ROBO2: variants seen among roughly 807,000 people sequenced by gnomAD.
The protein encoded by ROBO2 is roundabout homolog 2.
ROBO2 carries 53 observed loss-of-function variants against 160.8 expected under a neutral mutation model. The observed-to-expected ratio is 0.33, with a 90% confidence interval of 0.26 to 0.41. ROBO2 has a LOEUF of 0.41. Ranked by LOEUF, ROBO2 falls within the 10% of genes least tolerant of loss-of-function variation. The pLI is 1.00. For synonymous variants in ROBO2, 664 were observed against 611.7 expected, an observed-to-expected ratio of 1.09 and a Z score of -1.26; for missense variants, 1,577 against 1,722.4, an observed-to-expected ratio of 0.92 and a Z score of 1.49.
At chr3:77,416,110 G>T (rs2153527419) in intron 2 of ROBO2, among the ~76,000 whole-genome samples, 1 of 152,280 alleles carries the variant, frequency 6.6e-6, no homozygotes. Context: ...GAATTTTATT[G>T]AGTGAGAGTA....
chr3:76,747,913 A>T (rs922396867), intron 2 of ROBO2, among the ~76,000 whole-genome samples: 1 of 152,048 alleles, frequency 6.6e-6, no homozygotes, highest in East Asian at 1.9e-4. Context: ...TTTAACCTGT[A>T]TAAATTTCAT....
intron 1 of ROBO2, among the ~76,000 whole-genome samples, chr3:77,072,500 T>C (rs1171491391): frequency 6.6e-6 from 1 of 152,212 alleles, no homozygotes; most frequent in Non-Finnish European, 1.5e-5. Flanking sequence ...CTACTTGTGC[T>C]GGACACTATG....
At chr3:76,803,345 G>T (rs978912925) in intron 2 of ROBO2, among the ~76,000 whole-genome samples, 2 of 151,772 alleles carry the variant, frequency 1.3e-5, no homozygotes, top group Non-Finnish European at 2.9e-5. Flanking sequence ...AAAAGGAGGA[G>T]GAGGAGAAGC....
intron 2 of ROBO2, among the ~76,000 whole-genome samples, chr3:77,154,197 A>G (rs974530579): frequency 6.6e-6 from 1 of 152,126 alleles, no homozygotes; most frequent in African/African-American, 2.4e-5. Context: ...AAAAATACAC[A>G]TAGTTTAATG....
chr3:76,442,075 A>G (rs1026467478), intron 2 of ROBO2, among the ~76,000 whole-genome samples: 1 of 152,186 alleles, frequency 6.6e-6, no homozygotes, highest in Non-Finnish European at 1.5e-5. Flanking sequence ...GCCAAAGACC[A>G]TTTTCTCACA....
intron 2 of ROBO2, among the ~76,000 whole-genome samples, chr3:76,691,265 A>G (rs1236055546): frequency 6.6e-6 from 1 of 152,066 alleles, no homozygotes; most frequent in South Asian, 2.1e-4. Flanking sequence ...ACCATGTTAC[A>G]TCACAGCAAG....
chr3:77,355,050 C>T (rs2068863385), intron 2 of ROBO2, among the ~76,000 whole-genome samples: 1 of 149,546 alleles, frequency 6.7e-6, no homozygotes, highest in South Asian at 2.1e-4. Context: ...AGCATCTCTA[C>T]AACCAAAACA....
chr3:76,599,436 A>G (rs1330357467), intron 2 of ROBO2, among the ~76,000 whole-genome samples: 2 of 152,158 alleles, frequency 1.3e-5, no homozygotes, highest in Non-Finnish European at 2.9e-5. Context: ...AGTATTCCAT[A>G]GTGTATACAT....
At chr3:76,181,531 C>T (rs1224557053) in intron 2 of ROBO2, among the ~76,000 whole-genome samples, 4 of 152,064 alleles carry the variant, frequency 2.6e-5, no homozygotes, top group African/African-American at 4.8e-5. Flanking sequence ...TGATAACTAG[C>T]GTACATTTCT....
intron 2 of ROBO2, among the ~76,000 whole-genome samples, chr3:76,124,692 T>TA (rs1438091347): frequency 1.3e-5 from 2 of 152,024 alleles, no homozygotes; most frequent in African/African-American, 2.4e-5. Flanking sequence ...TCAATAAAGT[T>TA]ACAATGAACT....
At chr3:76,869,340 A>ATCTTTTTTTTTTTTTTTTTTTTTT (rs1178461363) in intron 2 of ROBO2, among the ~76,000 whole-genome samples, 3 of 108,140 alleles carry the variant, frequency 2.8e-5, no homozygotes, top group African/African-American at 3.6e-5. Flanking sequence ...GTAGAAATTG[A>ATCTTTTTTTTTTTTTTTTTTTTTT]TGTTTTTTTT....
intron 2 of ROBO2, among the ~76,000 whole-genome samples, chr3:77,318,139 C>T (rs952683298): frequency 1.1e-4 from 17 of 152,042 alleles, no homozygotes; most frequent in African/African-American, 4.1e-4. Context: ...CCTCCGCCTC[C>T]CGAGTTCAAG....
chr3:76,008,329 C>A (rs2066089816), intron 2 of ROBO2, among the ~76,000 whole-genome samples: 1 of 150,716 alleles, frequency 6.6e-6, no homozygotes, highest in Non-Finnish European at 1.5e-5. Flanking sequence ...CTAATTTGTG[C>A]TTTTCTTTTT....
At chr3:77,375,460 A>G (rs1225151048) in intron 2 of ROBO2, among the ~76,000 whole-genome samples, 1 of 152,192 alleles carries the variant, frequency 6.6e-6, no homozygotes, top group Non-Finnish European at 1.5e-5. Flanking sequence ...TTTCCAAATG[A>G]TGGTGCCTAT....
At chr3:76,818,627 A>G (rs2065882084) in intron 2 of ROBO2, among the ~76,000 whole-genome samples, 1 of 151,948 alleles carries the variant, frequency 6.6e-6, no homozygotes, top group South Asian at 2.1e-4. Context: ...TTATGGTTTC[A>G]GATCTTAGAT....
At chr3:77,646,919 A>C (rs1210621994) in exon 26 of ROBO2, 1 of 152,564 alleles carries the variant, frequency 6.6e-6, no homozygotes, top group African/African-American at 2.4e-5. Context: ...GCAAGAGGAA[A>C]TTAAGGTGTT....
chr3:76,004,613 A>AT (rs2065972372), intron 2 of ROBO2, among the ~76,000 whole-genome samples: 1 of 152,162 alleles, frequency 6.6e-6, no homozygotes, highest in Non-Finnish European at 1.5e-5. Flanking sequence ...AGGATGGGAT[A>AT]TCTCCGGGGT....
rs2062403685 is a variant in ROBO2, at chr3:76,778,205, A to G, written c.110-319809A>G. 2.6e-5 allele frequency among the ~76,000 whole-genome samples: 4 copies of G among 151,072 alleles called. No homozygotes were observed. In the South Asian group the frequency reaches 8.3e-4, roughly 31 times the overall value. On this transcript the variant is annotated intron_variant, in intron 2 of 26. Coordinates refer to the ROBO2 transcript ENST00000487694. ...GCCATATGTCCCTGATTGTATGTGT[A>G]TCAGATAGAGAAAAAGGCTCACTTC...
At chr3:76,160,918 T>A (rs1019644543) in intron 2 of ROBO2, among the ~76,000 whole-genome samples, 2 of 152,166 alleles carry the variant, frequency 1.3e-5, no homozygotes, top group African/African-American at 2.4e-5. Flanking sequence ...TATTTCATTT[T>A]GAAAGTTTTC....
Sources: gnomAD v4.1 joint callset for allele counts (sites outside exome capture counted in the v4.1 genomes callset) on GRCh38, gnomAD v4.1.1 for gene constraint, MANE v1.5 for transcripts, NCBI Gene and HGNC (gene_info 2026-07-23, HGNC 2026-07-21) for gene names.